Variants in RIPOR2 observed in about 807,000 individuals in gnomAD.
RIPOR2 encodes RHO family interacting cell polarization regulator 2.
RIPOR2 carries 39 observed loss-of-function variants against 114.5 expected under a neutral mutation model. The observed-to-expected ratio is 0.34, with a 90% CI of 0.26 to 0.44. The LOEUF is 0.44. Among genes scored for constraint, RIPOR2 ranks in the 20% least tolerant of loss-of-function variants. The pLI is 1.00. For synonymous variants in RIPOR2, 445 were observed against 484.4 expected, an observed-to-expected ratio of 0.92 and a Z score of 1.07; for missense variants, 1,007 against 1,255.1, an observed-to-expected ratio of 0.80 and a Z score of 2.99.
At chr6:24,935,232 C>T (rs1200283302) in intron 1 of RIPOR2, among the ~76,000 whole-genome samples, 1 of 149,942 alleles carries the variant, frequency 6.7e-6, no homozygotes, top group Non-Finnish European at 1.5e-5. Context: ...GACTTGAACC[C>T]GGGAGACGGA....
intron 1 of RIPOR2, among the ~76,000 whole-genome samples, chr6:25,021,647 G>T (rs1163835317): frequency 6.6e-6 from 1 of 152,176 alleles, no homozygotes; most frequent in South Asian, 2.1e-4. Context: ...GGGAAAGGGT[G>T]GGAAGGGGGT....
At chr6:25,014,312 A>G (rs1162945231) in intron 1 of RIPOR2, among the ~76,000 whole-genome samples, 1 of 152,238 alleles carries the variant, frequency 6.6e-6, no homozygotes, top group Admixed American at 6.5e-5. Context: ...GTAGGATCCA[A>G]ACAAAACTAC....
chr6:24,821,595 C>CCTAAATAGTTAGAGCCTGGGCTTTGG (rs1455598703), intron 19 of RIPOR2, among the ~76,000 whole-genome samples: 9 of 152,200 alleles, frequency 5.9e-5, no homozygotes, highest in Non-Finnish European at 1.0e-4. Context: ...CTTTACTAGA[C>CCTAAATAGTTAGAGCCTGGGCTTTGG]CTAAATAGTT....
chr6:25,005,206 T>C (rs1286827881), intron 1 of RIPOR2, among the ~76,000 whole-genome samples: 1 of 152,234 alleles, frequency 6.6e-6, no homozygotes, highest in Non-Finnish European at 1.5e-5. Context: ...CTTCACACTG[T>C]TGTGGTCACC....
At chr6:24,953,915 T>A (rs1772906320) in intron 1 of RIPOR2, among the ~76,000 whole-genome samples, 1 of 152,110 alleles carries the variant, frequency 6.6e-6, no homozygotes, top group African/African-American at 2.4e-5. Context: ...CTTACGTTCA[T>A]TAAATTTGTC....
At chr6:25,011,401 T>C (rs2113678775) in intron 1 of RIPOR2, among the ~76,000 whole-genome samples, 1 of 152,344 alleles carries the variant, frequency 6.6e-6, no homozygotes, top group South Asian at 2.1e-4. Context: ...ACACGGGGAT[T>C]GACAGGGCTC....
chr6:24,834,362 G>A (rs572572365), intron 15 of RIPOR2, among the ~76,000 whole-genome samples: 2 of 152,124 alleles, frequency 1.3e-5, no homozygotes, highest in East Asian at 3.9e-4. Flanking sequence ...GGCTCCCGAG[G>A]GACCCCTAGC....
intron 1 of RIPOR2, among the ~76,000 whole-genome samples, chr6:24,905,477 C>T (rs139993068): frequency 6.6e-6 from 1 of 152,146 alleles, no homozygotes; most frequent in Non-Finnish European, 1.5e-5. Flanking sequence ...AAAAATACGG[C>T]ACTGCAATTC....
intron 1 of RIPOR2, among the ~76,000 whole-genome samples, chr6:24,885,763 A>G (rs1286475819): frequency 1.3e-5 from 2 of 152,198 alleles, no homozygotes; most frequent in African/African-American, 4.8e-5. Context: ...CCTGGTATGT[A>G]GTAGGTGTTT....
chr6:24,943,471 C>T (rs1222729826), intron 1 of RIPOR2, among the ~76,000 whole-genome samples: 2 of 150,634 alleles, frequency 1.3e-5, no homozygotes, highest in Non-Finnish European at 3.0e-5. Context: ...TGCACATGTA[C>T]CCTAAAACTT....
chr6:24,912,502 A>G (rs1769731039), intron 1 of RIPOR2, among the ~76,000 whole-genome samples: 1 of 129,654 alleles, frequency 7.7e-6, no homozygotes, highest in African/African-American at 3.1e-5. Flanking sequence ...GAGCTTTTAT[A>G]GCACCTTAGT....
intron 1 of RIPOR2, among the ~76,000 whole-genome samples, chr6:24,881,719 A>G (rs1280379925): frequency 6.6e-6 from 1 of 152,242 alleles, no homozygotes; most frequent in East Asian, 1.9e-4. Flanking sequence ...GCTGTGATAC[A>G]GGTACACTGG....
At chr6:25,010,885 C>T (rs1442959966) in intron 1 of RIPOR2, among the ~76,000 whole-genome samples, 1 of 152,188 alleles carries the variant, frequency 6.6e-6, no homozygotes, top group Admixed American at 6.5e-5. Flanking sequence ...GACACCACTG[C>T]CAACAAATGA....
At chr6:24,996,741 T>C (rs889954235) in intron 1 of RIPOR2, among the ~76,000 whole-genome samples, 1 of 152,234 alleles carries the variant, frequency 6.6e-6, no homozygotes, top group Non-Finnish European at 1.5e-5. Context: ...CTTCCTTTAG[T>C]GTGATACTTC....
intron 1 of RIPOR2, among the ~76,000 whole-genome samples, chr6:24,913,657 A>G (rs902303533): frequency 1.6e-4 from 25 of 152,314 alleles, no homozygotes; most frequent in African/African-American, 6.0e-4. Context: ...AAAGGTCTTC[A>G]CACCGCCTCT....
chr6:24,945,858 T>C (rs1309341757), intron 1 of RIPOR2, among the ~76,000 whole-genome samples: 1 of 152,136 alleles, frequency 6.6e-6, no homozygotes, highest in African/African-American at 2.4e-5. Context: ...TATTCTCGTT[T>C]ATTTTCTTAT....
intron 1 of RIPOR2, among the ~76,000 whole-genome samples, chr6:25,010,867 T>C (rs891493441): frequency 9.9e-5 from 15 of 152,208 alleles, no homozygotes; most frequent in Non-Finnish European, 1.6e-4. Flanking sequence ...ATATAGGTTA[T>C]AGGGGAAGAC....
rs1363012660 is a variant in RIPOR2 at position 24,870,526 on chromosome 6, A to G, written c.447+340T>C. ...GCAGAGTTTTGTTTTATTTTTTGAG[A>G]CAGGGTTTTGCTCTCTCAACCCAGG... On this transcript the variant is annotated intron_variant, in intron 5 of 21. Transcript: ENST00000643898. Among the ~76,000 whole-genome samples the G allele has an allele frequency of 2.0e-5, 3 of 152,292 alleles. No homozygotes were observed. In the East Asian group the frequency reaches 5.8e-4, roughly 29 times the overall value.
At chr6:24,826,325 G>A (rs933207237) in intron 18 of RIPOR2, among the ~76,000 whole-genome samples, 1 of 152,034 alleles carries the variant, frequency 6.6e-6, no homozygotes, top group Admixed American at 6.6e-5. Flanking sequence ...TGAATAAAGA[G>A]TATACTCTAC....
Sources: gnomAD v4.1 joint callset for allele counts (sites outside exome capture counted in the v4.1 genomes callset) on GRCh38, gnomAD v4.1.1 for gene constraint, MANE v1.5 for transcripts, NCBI Gene and HGNC (gene_info 2026-07-23, HGNC 2026-07-21) for gene names.